PCNX2: variants seen among roughly 807,000 people sequenced by gnomAD.
PCNX2 encodes pecanex-like protein 2.
PCNX2 carries 168 observed loss-of-function variants against 223.8 expected under a neutral mutation model. The observed-to-expected ratio is 0.75, with a 90% CI of 0.66 to 0.85. PCNX2 has a LOEUF of 0.85. Among genes scored for constraint, PCNX2 ranks in the 40% least tolerant of loss-of-function variants. The pLI, the probability that PCNX2 is intolerant of heterozygous loss-of-function variation, is 0.00. For missense variants in PCNX2, 2,507 were observed against 2,675.5 expected (o/e 0.94, Z 1.39); for synonymous variants, 1,006 against 1,052.6 (o/e 0.96, Z 0.86).
intron 19 of PCNX2, among the ~76,000 whole-genome samples, chr1:233,150,094 C>A (rs557488764): frequency 6.6e-6 from 1 of 152,100 alleles, no homozygotes; most frequent in Non-Finnish European, 1.5e-5. Flanking sequence ...CCACAGCCAG[C>A]GGGGCCAGGA....
At chr1:233,017,231 G>T in intron 26 of PCNX2, 77 bp from the exon 27 acceptor site, 1 of 1,077,000 alleles carries the variant, frequency 9.3e-7, no homozygotes, top group Non-Finnish European at 1.3e-6. Context: ...AAAGTAAGAG[G>T]CATGAAATCC....
intron 15 of PCNX2, among the ~76,000 whole-genome samples, chr1:233,187,259 A>G (rs1680158066): frequency 6.6e-6 from 1 of 152,242 alleles, no homozygotes; most frequent in South Asian, 2.1e-4. Context: ...TGTGGTAAGT[A>G]TCTATATTTT....
chr1:233,218,421 T>TTG (rs1553315929), intron 10 of PCNX2, among the ~76,000 whole-genome samples: 8 of 151,502 alleles, frequency 5.3e-5, no homozygotes, highest in African/African-American at 1.5e-4. Context: ...GCTAATTTTT[T>TTG]TATTTTTTTT....
intron 9 of PCNX2, among the ~76,000 whole-genome samples, chr1:233,229,639 A>G (rs1480388195): frequency 2.0e-5 from 3 of 152,182 alleles, no homozygotes; most frequent in Non-Finnish European, 4.4e-5. Flanking sequence ...CAATAGGAGA[A>G]AAATGCCTTC....
intron 17 of PCNX2, among the ~76,000 whole-genome samples, chr1:233,161,954 TA>T (rs1678506174): frequency 6.8e-6 from 1 of 147,318 alleles, no homozygotes. Context: ...ACTTCAAAAT[TA>T]TTTTTTATAT....
In PCNX2 at chr1:233,258,932, G is replaced by T. The variant is rs1407915703; in HGVS notation, c.930C>A (p.Ser310Arg). Reference protein sequence around the residue: ...QSKSPQDSLSSSCPQCDTIVA... With the variant: ...QSKSPQDSLSRSCPQCDTIVA... ...CGATGGTGTCACATTGAGGGCAGCT[G>T]CTGCTCAGGCTGTCCTGAGGTGACT... Residue 310 changes from serine (S) to arginine (R), a missense_variant, in exon 5 of 34, where the codon AGC (serine) becomes AGA (arginine). Physicochemically the swap from Ser to Arg is moderately radical, Grantham distance 110. This residue lies in a region of PCNX2 where 1,031 missense variants were observed against 1,021.7 expected (regional missense o/e 1.01). Transcript: ENST00000258229. 1 of 1,613,934 alleles carries T rather than the reference G, an allele frequency of 6.2e-7. No individual in the cohort carries two copies. The highest frequency in any genetic ancestry group is 8.5e-7 in the Non-Finnish European group (1 of 1,179,874).
At chr1:233,275,271 C>T (rs1040161479) in intron 1 of PCNX2, among the ~76,000 whole-genome samples, 3 of 151,504 alleles carry the variant, frequency 2.0e-5, no homozygotes, top group African/African-American at 7.3e-5. Context: ...GGTGAGATCT[C>T]GGCTCACTGC....
At chr1:233,162,671 A>G (rs956337513) in intron 17 of PCNX2, among the ~76,000 whole-genome samples, 5 of 152,330 alleles carry the variant, frequency 3.3e-5, no homozygotes, top group Non-Finnish European at 4.4e-5. Context: ...CCAAATGTTT[A>G]AGAAAGACCA....
At chr1:232,988,906 T>C (rs1468887505) in intron 32 of PCNX2, among the ~76,000 whole-genome samples, 2 of 152,212 alleles carry the variant, frequency 1.3e-5, no homozygotes, top group Admixed American at 1.3e-4. Flanking sequence ...CAAAGTGCTG[T>C]GTGCACCAGC....
chr1:233,038,038 C>G (rs1671517718), intron 25 of PCNX2, among the ~76,000 whole-genome samples: 1 of 152,182 alleles, frequency 6.6e-6, no homozygotes, highest in African/African-American at 2.4e-5. Context: ...TCAAAAGAGA[C>G]TATTCTTGTG....
Position 233,259,242 on chromosome 1 carries a change from G to A in PCNX2, c.620C>T (p.Thr207Ile), listed in dbSNP as rs1464133057. 6.2e-7 allele frequency: 1 copy of A among 1,613,832 alleles called. No individual in the cohort carries two copies. Among genetic ancestry groups the A allele is most frequent in the Non-Finnish European group, 8.5e-7 (1 of 1,179,884 alleles). ...LPASQAHMLE[T>I]TTKSVIPVKP... ...TACAGGTATTACTGACTTGGTCGTG[G>A]TTTCCAGCATGTGTGCTTGAGACGC... The change falls in exon 5 of 34, where the codon ACC becomes ATC. Residue 207 changes from threonine to isoleucine, a missense_variant. Thr to Ile is a moderately conservative substitution (Grantham distance 89). Around this residue, in one of 3 missense-constraint regions of PCNX2, gnomAD observed 1,031 missense variants for 1,021.7 expected, o/e 1.01. Transcript: ENST00000258229.
At chr1:233,149,903 T>C (rs1677695087) in intron 19 of PCNX2, among the ~76,000 whole-genome samples, 1 of 151,902 alleles carries the variant, frequency 6.6e-6, no homozygotes, top group African/African-American at 2.4e-5. Flanking sequence ...TATATATAAA[T>C]TTTTTTCTAC....
rs1662011462 is a variant in PCNX2, at chr1:233,295,257, G to A, written c.153+69C>T. ...CGAAAGCCCGTGAGGCTGATGGCAC[G>A]TCTGTGGTTCCTTTCTCCTTCTTCC... On this transcript the variant is annotated intron_variant, in intron 1 of 33. Coordinates refer to ENST00000258229, the MANE Select transcript of PCNX2 (RefSeq NM_014801.4). The surrounding 1 kb of genome is among the most constrained non-coding windows in gnomAD (Gnocchi z 4.1). 3.9e-6 allele frequency: 6 copies of A among 1,545,788 alleles called. No individual in the cohort carries two copies. Among genetic ancestry groups the A allele is most frequent in the Non-Finnish European group, 5.3e-6 (6 of 1,142,052 alleles).
chr1:232,988,962 C>T (rs1047581668), intron 32 of PCNX2, among the ~76,000 whole-genome samples: 4 of 152,206 alleles, frequency 2.6e-5, no homozygotes, highest in African/African-American at 9.7e-5. Flanking sequence ...GGAGTTCTGT[C>T]TGTGAGGTCT....
chr1:233,230,300 G>A (rs1036969315), intron 9 of PCNX2, among the ~76,000 whole-genome samples: 1 of 152,272 alleles, frequency 6.6e-6, no homozygotes, highest in East Asian at 1.9e-4. Context: ...ATTCCCTGGA[G>A]TGCATCAACA....
chr1:233,264,665 T>C (rs931294571), intron 1 of PCNX2, among the ~76,000 whole-genome samples: 1 of 152,154 alleles, frequency 6.6e-6, no homozygotes, highest in Non-Finnish European at 1.5e-5. Flanking sequence ...GGAATAACTA[T>C]ATAAGATGAT....
At chr1:233,044,623 G>A (rs1257808354) in intron 25 of PCNX2, among the ~76,000 whole-genome samples, 1 of 151,778 alleles carries the variant, frequency 6.6e-6, no homozygotes, top group Non-Finnish European at 1.5e-5. Context: ...TGGAATATAT[G>A]AGCCAAAAGA....
In PCNX2 at chr1:233,224,477, GA is replaced by G. The variant is rs1287207640; in HGVS notation, c.2504+2748del. Among the ~76,000 whole-genome samples, 10 of 152,204 alleles carry G rather than the reference GA, an allele frequency of 6.6e-5. No individual in the cohort carries two copies. The East Asian group carries it at 1.9e-3, about 29-fold the overall frequency. On this transcript the variant is annotated intron_variant, in intron 10 of 33. Transcript: ENST00000258229. The stretch of plus-strand genomic sequence containing the variant: ...TTAATCTATGGGAGTTTATAGCAAT[GA>G]TTACTGCAATTTTAGTGCTTGTTAC...
chr1:233,258,006 C>T (rs755050912), intron 5 of PCNX2, 22 bp downstream of exon 5: 70 of 1,601,032 alleles, frequency 4.4e-5, no homozygotes, highest in African/African-American at 4.0e-4. Context: ...ATCATCAGAA[C>T]GGAAATGACA....
Sources: allele counts gnomAD v4.1 joint callset (sites outside exome capture counted in the v4.1 genomes callset), GRCh38; gene constraint gnomAD v4.1.1; regional missense constraint gnomAD v4.1.1; non-coding constraint Gnocchi (gnomAD v3.1); transcripts MANE v1.5; gene names NCBI Gene and HGNC (gene_info 2026-07-23, HGNC 2026-07-21).